Variants in ZNRF2 observed in about 807,000 individuals in gnomAD.
The protein encoded by ZNRF2 is zinc and ring finger 2.
Under a neutral mutation model 20.4 loss-of-function variants are expected in ZNRF2, and 16 were observed. That is an observed-to-expected ratio of 0.79 (90% CI 0.53 to 1.19). ZNRF2 has a LOEUF of 1.19. ZNRF2 is among the 50% of genes most tolerant of loss of function. The pLI, the probability that ZNRF2 is intolerant of heterozygous loss-of-function variation, is 0.00. For missense variants in ZNRF2, 363 were observed against 332.4 expected (o/e 1.09, Z -0.72); for synonymous variants, 178 against 144.9 (o/e 1.23, Z -1.64).
chr7:30,295,504 G>A (rs1799004771), intron 1 of ZNRF2, among the ~76,000 whole-genome samples: 1 of 152,150 alleles, frequency 6.6e-6, no homozygotes, highest in Admixed American at 6.5e-5. Flanking sequence ...GAGCTCGGGA[G>A]TTCGAGGCCA....
intron 1 of ZNRF2, among the ~76,000 whole-genome samples, chr7:30,293,735 A>G (rs1319112566): frequency 6.6e-6 from 1 of 152,190 alleles, no homozygotes; most frequent in Non-Finnish European, 1.5e-5. Flanking sequence ...ATAAGTGCAG[A>G]TTGGTGGATA....
intron 2 of ZNRF2, among the ~76,000 whole-genome samples, chr7:30,333,295 C>T (rs1799663452): frequency 6.8e-6 from 1 of 147,446 alleles, no homozygotes; most frequent in Non-Finnish European, 1.5e-5. Flanking sequence ...CTCAGGTGAT[C>T]CGCCCACCAT....
At position 30,344,038 on chromosome 7, in the gene ZNRF2, G is replaced by A. The variant is rs1481552341; in HGVS notation, c.566-11690G>A. ...AGGTTCAAGCGATTCCCCTGCCTCA[G>A]CCTCCCGAATAGCTGGGATTACAGG... is the stretch of plus-strand genomic sequence containing the variant. On this transcript the variant is annotated intron_variant, in intron 2 of 4. Coordinates refer to ENST00000323037, the MANE Select transcript of ZNRF2 (RefSeq NM_147128.4). Among the ~76,000 whole-genome samples the A allele has an allele frequency of 2.0e-5, 3 of 150,002 alleles. No homozygotes were observed. The East Asian group carries it at 5.9e-4, about 30-fold the overall frequency.
rs1196197106 is a variant in ZNRF2, at chr7:30,285,770, G to T, written c.413G>T (p.Gly138Val). The change falls in exon 1 of 5, where the codon GGG (glycine) becomes GTG (valine). Residue 138 changes from glycine (G) to valine (V), a missense_variant. Gly to Val is a moderately radical substitution (Grantham distance 109, BLOSUM62 -3). Around this residue, in one of 2 missense-constraint regions of ZNRF2, gnomAD observed 302 missense variants for 231.5 expected, o/e 1.30. Coordinates refer to ENST00000323037, the MANE Select transcript of ZNRF2 (RefSeq NM_147128.4). ...RDRPVGGSPG[G>V]PRLVIGSLPA... ...CGGCCGGTGGGCGGGAGCCCCGGCG[G>T]GCCGCGCCTGGTGATCGGCTCCTTA... 6.7e-7 allele frequency: 1 copy of T among 1,492,224 alleles called. No individual in the cohort carries two copies. The highest frequency in any genetic ancestry group is 8.9e-7 in the Non-Finnish European group (1 of 1,127,996). 92.4% of individuals were successfully genotyped at this position (1,492,224 alleles called of 1,614,324 possible). A position where few individuals can be genotyped will look rare whatever the true frequency, so the allele number is the denominator to read the frequency against.
rs115583616 is a variant in ZNRF2, at chr7:30,344,946, G to T, written c.566-10782G>T. Among the ~76,000 whole-genome samples the T allele has an allele frequency of 3.1e-3, 474 of 152,258 alleles. 5 individuals carry two copies. The highest frequency in any genetic ancestry group is 0.011 in the African/African-American group (447 of 41,556). The stretch of plus-strand genomic sequence containing the variant: ...TATAATAATGTGTTTCTGTGGAGAA[G>T]TCTGAAACCACCTGATTTGTCCTCC... On this transcript the variant is annotated intron_variant, in intron 2 of 4. Coordinates refer to ENST00000323037, the MANE Select transcript of ZNRF2 (RefSeq NM_147128.4).
chr7:30,299,264 C>T (rs1369416057), intron 1 of ZNRF2, among the ~76,000 whole-genome samples: 1 of 151,864 alleles, frequency 6.6e-6, no homozygotes, highest in African/African-American at 2.4e-5. Flanking sequence ...ACTGTCTCTA[C>T]AAAAATTAGC....
At chr7:30,326,464 A>G (rs534025045) in intron 2 of ZNRF2, among the ~76,000 whole-genome samples, 10 of 152,194 alleles carry the variant, frequency 6.6e-5, no homozygotes, top group African/African-American at 2.4e-4. Context: ...AGAGGACATG[A>G]TCTTCTTTTT....
At position 30,362,555 on chromosome 7, in the gene ZNRF2, G is replaced by A. The variant is rs534125954; in HGVS notation, c.*22+99G>A. On this transcript the variant is annotated intron_variant, in intron 4 of 4. Coordinates refer to ENST00000323037, the MANE Select transcript of ZNRF2 (RefSeq NM_147128.4). ...CATTTACTCATTGAGGTGCATGAGT[G>A]TGTATGTGTATGTTTCAGACACTTA... 4.2e-5 allele frequency: 24 copies of A among 576,038 alleles called. No homozygotes were observed. The South Asian group carries it at 5.8e-4, about 14-fold the overall frequency. 35.7% of individuals were successfully genotyped at this position (576,038 alleles called of 1,614,324 possible). A position where few individuals can be genotyped will look rare whatever the true frequency, so the allele number is the denominator to read the frequency against.
At chr7:30,299,493 AT>A (rs1562605166) in intron 1 of ZNRF2, among the ~76,000 whole-genome samples, 1 of 151,710 alleles carries the variant, frequency 6.6e-6, no homozygotes, top group Non-Finnish European at 1.5e-5. Context: ...AACATGTTCA[AT>A]TAGTCCTCTT....
At position 30,341,666 on chromosome 7, in the gene ZNRF2, C is replaced by T. The variant is rs577118055; in HGVS notation, c.566-14062C>T. Among the ~76,000 whole-genome samples the T allele has an allele frequency of 2.6e-5, 4 of 152,082 alleles. No homozygotes were observed. The South Asian group carries it at 6.2e-4, about 24-fold the overall frequency. ...TATGTGGTCAATTTTAGAATAGATGCGATGTGGTGCTAAGAAGAATATATA... is the reference window on the plus strand; with the variant it reads ...TATGTGGTCAATTTTAGAATAGATGTGATGTGGTGCTAAGAAGAATATATA... On this transcript the variant is annotated intron_variant, in intron 2 of 4. Coordinates refer to ENST00000323037, the MANE Select transcript of ZNRF2 (RefSeq NM_147128.4).
intron 1 of ZNRF2, among the ~76,000 whole-genome samples, chr7:30,310,738 A>AT: frequency 6.6e-6 from 1 of 152,310 alleles, no homozygotes; most frequent in Middle Eastern, 3.4e-3. Flanking sequence ...TTTCTTAAGC[A>AT]TACCTTGAGG....
intron 2 of ZNRF2, among the ~76,000 whole-genome samples, chr7:30,341,957 C>A (rs776468447): frequency 1.2e-4 from 18 of 152,122 alleles, no homozygotes; most frequent in Admixed American, 6.5e-4. Context: ...TTGCATCAAT[C>A]CGCTTACCAT....
At chr7:30,327,481 G>A (rs1799571753) in intron 2 of ZNRF2, among the ~76,000 whole-genome samples, 1 of 151,948 alleles carries the variant, frequency 6.6e-6, no homozygotes, top group Admixed American at 6.6e-5. Flanking sequence ...CTATGCCTAA[G>A]TCATTAAACT....
At chr7:30,324,247 G>A (rs1301815981) in intron 2 of ZNRF2, among the ~76,000 whole-genome samples, 2 of 151,742 alleles carry the variant, frequency 1.3e-5, no homozygotes, top group African/African-American at 4.8e-5. Context: ...GAAAAAGGCA[G>A]ATATGGCCAG....
In ZNRF2 at chr7:30,285,648, G is replaced by T; in HGVS notation, c.291G>T (p.Ala97=). The part of the protein sequence containing the change: ...VGSVASGARA[A]QSPFSIPNSS... ...GCGTGGCGTCGGGGGCCCGCGCGGC[G>T]CAGTCCCCCTTCAGCATCCCGAACA... is the stretch of plus-strand genomic sequence containing the variant. The change falls in exon 1 of 5, where the codon GCG becomes GCT. Residue 97 remains alanine (A), a synonymous_variant. Coordinates refer to ENST00000323037, the MANE Select transcript of ZNRF2 (RefSeq NM_147128.4). The T allele has an allele frequency of 2.2e-6, 3 of 1,351,524 alleles. No homozygotes were observed. The highest frequency in any genetic ancestry group is 2.8e-6 in the Non-Finnish European group (3 of 1,054,300). The allele number at this position is 1,351,524 out of a possible 1,614,324, so 83.7% of individuals were successfully genotyped here.
rs1345556040 is a variant in ZNRF2 at position 30,323,690 on chromosome 7, A to G, written c.518A>G (p.Asp173Gly). ...AAATTTGTATCCTCAGATGAAATGG[A>G]TTTGCATCTTGTAATGTGTTTAACA... ...CSKFVSSDEM[D>G]LHLVMCLTKP... is the part of the protein sequence containing the mutation. Residue 173 changes from aspartate (D) to glycine (G), a missense_variant, in exon 2 of 5, where the codon GAT (aspartate) becomes GGT (glycine). Around this residue, in one of 2 missense-constraint regions of ZNRF2, gnomAD observed 61 missense variants for 100.9 expected, o/e 0.60. Coordinates refer to ENST00000323037, the MANE Select transcript of ZNRF2 (RefSeq NM_147128.4). 3 of 1,601,392 alleles carry G rather than the reference A, an allele frequency of 1.9e-6. No homozygotes were observed. Among genetic ancestry groups the G allele is most frequent in the Non-Finnish European group, 8.5e-7 (1 of 1,175,256 alleles).
intron 2 of ZNRF2, among the ~76,000 whole-genome samples, chr7:30,341,683 G>A (rs1799797431): frequency 6.6e-6 from 1 of 152,178 alleles, no homozygotes; most frequent in South Asian, 2.1e-4. Context: ...GTGCTAAGAA[G>A]AATATATATT....
intron 1 of ZNRF2, among the ~76,000 whole-genome samples, chr7:30,288,547 C>T (rs1366206444): frequency 6.6e-6 from 1 of 152,090 alleles, no homozygotes; most frequent in Non-Finnish European, 1.5e-5. Context: ...AGGAAGTTTT[C>T]TGTGTTGGTT....
intron 3 of ZNRF2, among the ~76,000 whole-genome samples, chr7:30,360,956 T>C (rs1031485707): frequency 6.6e-6 from 1 of 152,150 alleles, no homozygotes; most frequent in African/African-American, 2.4e-5. Flanking sequence ...GGGAATATAA[T>C]CATGTAAATA....
Sources: gnomAD v4.1 joint callset for allele counts (sites outside exome capture counted in the v4.1 genomes callset) on GRCh38, gnomAD v4.1.1 for gene constraint, gnomAD v4.1.1 regional missense constraint, MANE v1.5 for transcripts, NCBI Gene and HGNC (gene_info 2026-07-23, HGNC 2026-07-21) for gene names.